NDUFAF2: variants seen among roughly 807,000 people sequenced by gnomAD.
NDUFAF2 encodes the protein NADH dehydrogenase [ubiquinone] 1 alpha subcomplex assembly factor 2.
A neutral mutation model predicts 22.8 loss-of-function variants in NDUFAF2; 13 were observed. The observed-to-expected ratio is 0.57, with a 90% CI of 0.37 to 0.91. NDUFAF2 has a LOEUF of 0.91. Ranked by LOEUF, NDUFAF2 falls within the 40% of genes least tolerant of loss-of-function variation. NDUFAF2 has a pLI of 0.01. For synonymous variants in NDUFAF2, 53 were observed against 64.2 expected (o/e 0.83, Z 0.84); for missense variants, 162 against 195.2 (o/e 0.83, Z 1.01).
intron 1 of NDUFAF2, among the ~76,000 whole-genome samples, chr5:60,964,716 C>G (rs162227): frequency 2.0e-5 from 3 of 152,016 alleles, no homozygotes; most frequent in Non-Finnish European, 4.4e-5. Context: ...CCTACCAAAG[C>G]GCTGGGATTA....
chr5:60,945,769 C>A (rs1207081117), intron 1 of NDUFAF2, among the ~76,000 whole-genome samples: 6 of 152,216 alleles, frequency 3.9e-5, no homozygotes, highest in Non-Finnish European at 8.8e-5. Context: ...ACCAAAGGGG[C>A]TAGAAGGGCC....
chr5:61,010,441 C>T (rs2112597233), intron 1 of NDUFAF2, among the ~76,000 whole-genome samples: 1 of 152,138 alleles, frequency 6.6e-6, no homozygotes, highest in South Asian at 2.1e-4. Flanking sequence ...TTGCTTGCCT[C>T]TAGCTACCTT....
intron 1 of NDUFAF2, among the ~76,000 whole-genome samples, chr5:60,947,790 C>T (rs1750483159): frequency 6.7e-6 from 1 of 149,490 alleles, no homozygotes; most frequent in African/African-American, 2.5e-5. Flanking sequence ...AAAACAAGCC[C>T]AAAAAACAAC....
chr5:61,086,138 G>A (rs1752503079), intron 2 of NDUFAF2, among the ~76,000 whole-genome samples: 1 of 151,714 alleles, frequency 6.6e-6, no homozygotes, highest in Admixed American at 6.6e-5. Flanking sequence ...AAGAAAGGAA[G>A]AAAAGAAAAA....
chr5:60,948,694 C>T (rs1306361076), intron 1 of NDUFAF2, among the ~76,000 whole-genome samples: 1 of 151,642 alleles, frequency 6.6e-6, no homozygotes, highest in Non-Finnish European at 1.5e-5. Flanking sequence ...TTTGTTTATC[C>T]ATTCACCTGT....
intron 1 of NDUFAF2, among the ~76,000 whole-genome samples, chr5:60,978,578 A>T (rs1208788378): frequency 1.3e-5 from 2 of 152,164 alleles, no homozygotes; most frequent in Non-Finnish European, 2.9e-5. Flanking sequence ...TATTGCGATG[A>T]TAGCACCAAG....
At chr5:60,958,593 A>C (rs1750647415) in intron 1 of NDUFAF2, among the ~76,000 whole-genome samples, 2 of 152,270 alleles carry the variant, frequency 1.3e-5, no homozygotes, top group South Asian at 4.1e-4. Flanking sequence ...TGAATACTTA[A>C]ATGTACTTTA....
At chr5:61,000,017 A>G (rs963375712) in intron 1 of NDUFAF2, among the ~76,000 whole-genome samples, 1 of 152,054 alleles carries the variant, frequency 6.6e-6, no homozygotes, top group Non-Finnish European at 1.5e-5. Context: ...ATGACTTTTG[A>G]TGGACAAAAT....
chr5:60,973,988 A>G (rs899266213), intron 1 of NDUFAF2, among the ~76,000 whole-genome samples: 1 of 152,148 alleles, frequency 6.6e-6, no homozygotes, highest in Non-Finnish European at 1.5e-5. Flanking sequence ...TATTTTGGGT[A>G]GAGACAGGGT....
chr5:61,030,008 C>T (rs750313896), intron 1 of NDUFAF2, among the ~76,000 whole-genome samples: 14 of 152,156 alleles, frequency 9.2e-5, no homozygotes, highest in South Asian at 2.1e-4. Context: ...TCTGTATTAG[C>T]GCCTGGACAC....
chr5:60,952,901 G>A (rs172348), intron 1 of NDUFAF2, among the ~76,000 whole-genome samples: 86,630 of 151,670 alleles, frequency 0.57, 25,990 homozygotes, highest in East Asian at 0.94. Context: ...ATAATTGAAA[G>A]ATAATAATAC....
chr5:61,032,408 G>A (rs1252033512), intron 1 of NDUFAF2, among the ~76,000 whole-genome samples: 1 of 152,180 alleles, frequency 6.6e-6, no homozygotes, highest in Admixed American at 6.5e-5. Flanking sequence ...TGTACAAGGT[G>A]TAAGGAAGGG....
intron 2 of NDUFAF2, among the ~76,000 whole-genome samples, chr5:61,094,633 T>C (rs1439305829): frequency 6.6e-6 from 1 of 152,238 alleles, no homozygotes; most frequent in Non-Finnish European, 1.5e-5. Flanking sequence ...TTATCTACCT[T>C]TGATCTTTGA....
chr5:61,126,042 ATCT>A (rs1168053217), intron 3 of NDUFAF2, among the ~76,000 whole-genome samples: 1 of 152,006 alleles, frequency 6.6e-6, no homozygotes, highest in Non-Finnish European at 1.5e-5. Flanking sequence ...GTGTGGAAAG[ATCT>A]TCTGCTTAAA....
intron 1 of NDUFAF2, among the ~76,000 whole-genome samples, chr5:60,993,661 C>A (rs1031095993): frequency 6.6e-6 from 1 of 152,134 alleles, no homozygotes; most frequent in East Asian, 1.9e-4. Context: ...ATCCCAACAT[C>A]TGCAGCTGTC....
At chr5:60,954,321 T>C (rs1397966192) in intron 1 of NDUFAF2, among the ~76,000 whole-genome samples, 1 of 152,044 alleles carries the variant, frequency 6.6e-6, no homozygotes, top group Non-Finnish European at 1.5e-5. Flanking sequence ...GAGAGGAAAA[T>C]ATGAGAATAA....
chr5:61,141,533 T>C (rs1741057510), intron 3 of NDUFAF2, among the ~76,000 whole-genome samples: 1 of 152,144 alleles, frequency 6.6e-6, no homozygotes, highest in Non-Finnish European at 1.5e-5. Context: ...CATTGGAGCT[T>C]ACCCAGCTCT....
chr5:60,969,487 A>G (rs545707694), intron 1 of NDUFAF2, among the ~76,000 whole-genome samples: 1 of 151,968 alleles, frequency 6.6e-6, no homozygotes, highest in Non-Finnish European at 1.5e-5. Context: ...CTTTTCATAT[A>G]CCTGTTTGCA....
At chr5:61,004,595 G>T (rs892591830) in intron 1 of NDUFAF2, among the ~76,000 whole-genome samples, 1 of 152,052 alleles carries the variant, frequency 6.6e-6, no homozygotes, top group African/African-American at 2.4e-5. Flanking sequence ...TATTTTATGG[G>T]AGGCTGAGTA....
Sources: gnomAD v4.1 joint callset for allele counts (sites outside exome capture counted in the v4.1 genomes callset) on GRCh38, gnomAD v4.1.1 for gene constraint, MANE v1.5 for transcripts, NCBI Gene and HGNC (gene_info 2026-07-23, HGNC 2026-07-21) for gene names.